Variants in DOCK3 observed in about 807,000 individuals in gnomAD.
DOCK3 encodes dedicator of cytokinesis protein 3.
Under a neutral mutation model 265.6 loss-of-function variants are expected in DOCK3, and 60 were observed. That is an observed-to-expected ratio of 0.23 (90% CI 0.18 to 0.28). The LOEUF is 0.28. DOCK3 is among the 10% of genes least tolerant of loss of function. The pLI is 1.00. For missense variants in DOCK3, 1,981 were observed against 2,594.3 expected (o/e 0.76, Z 5.14); for synonymous variants, 881 against 938.0 (o/e 0.94, Z 1.11).
intron 12 of DOCK3, among the ~76,000 whole-genome samples, chr3:51,199,509 C>A (rs1474715384): frequency 1.3e-5 from 2 of 152,250 alleles, no homozygotes; most frequent in Admixed American, 6.5e-5. Context: ...ATTGCCCAGG[C>A]TTGTGTAAGT....
chr3:51,372,206 G>C (rs1479846742), intron 49 of DOCK3, among the ~76,000 whole-genome samples: 2 of 152,228 alleles, frequency 1.3e-5, no homozygotes, highest in African/African-American at 4.8e-5. Context: ...TAATCCTTAA[G>C]TAATTCGTTG....
rs1358662350 is a variant in DOCK3 at position 51,383,062 on chromosome 3, C to G, written c.*1503C>G. On this transcript the variant is annotated 3_prime_UTR_variant, in exon 53 of 53. Transcript: ENST00000266037. The stretch of plus-strand genomic sequence containing the variant: ...TTGCCCCCAGTTCCTCTTCTGCTGG[C>G]CTGTATGACCTCCACAGCCAGGCCC... The G allele has an allele frequency of 6.6e-6, 1 of 152,228 alleles. No homozygotes were observed. The highest frequency in any genetic ancestry group is 1.5e-5 in the Non-Finnish European group (1 of 68,044). 9.4% of individuals were successfully genotyped at this position (152,228 alleles called of 1,614,324 possible). A position where few individuals can be genotyped will look rare whatever the true frequency, so the allele number is the denominator to read the frequency against.
intron 4 of DOCK3, among the ~76,000 whole-genome samples, chr3:50,906,733 GT>G (rs972294512): frequency 3.7e-4 from 56 of 151,928 alleles, no homozygotes; most frequent in Non-Finnish European, 7.5e-4. Context: ...TTTTTGAAGG[GT>G]TTTTTTGTAT....
chr3:51,360,140 G>A (rs1452742574), intron 46 of DOCK3, among the ~76,000 whole-genome samples: 1 of 152,138 alleles, frequency 6.6e-6, no homozygotes, highest in African/African-American at 2.4e-5. Flanking sequence ...CCCACCTATT[G>A]ACAACTAATA....
At chr3:51,319,417 A>G (rs2083554302) in intron 32 of DOCK3, among the ~76,000 whole-genome samples, 1 of 149,062 alleles carries the variant, frequency 6.7e-6, no homozygotes. Context: ...AAAAAAACCC[A>G]GTTACCAAGA....
chr3:51,056,535 AC>A (rs1301817041), intron 5 of DOCK3, among the ~76,000 whole-genome samples: 2 of 152,210 alleles, frequency 1.3e-5, no homozygotes, highest in Non-Finnish European at 2.9e-5. Context: ...GGCGTGAGCC[AC>A]TGTGCCTGGC....
intron 27 of DOCK3, among the ~76,000 whole-genome samples, chr3:51,308,963 A>C (rs1156497118): frequency 6.6e-6 from 1 of 151,654 alleles, no homozygotes; most frequent in Non-Finnish European, 1.5e-5. Context: ...GGCCGGGCAG[A>C]GGTGCTCCTC....
intron 1 of DOCK3, among the ~76,000 whole-genome samples, chr3:50,770,703 G>A (rs958516429): frequency 7.2e-5 from 11 of 152,206 alleles, no homozygotes; most frequent in African/African-American, 2.6e-4. Context: ...GCTACATATA[G>A]ACGCATAGAC....
intron 4 of DOCK3, among the ~76,000 whole-genome samples, chr3:50,902,559 A>T (rs1402327984): frequency 6.6e-6 from 1 of 152,172 alleles, no homozygotes; most frequent in Non-Finnish European, 1.5e-5. Context: ...TTGTACCAGT[A>T]CCATGCTGTT....
intron 7 of DOCK3, among the ~76,000 whole-genome samples, chr3:51,083,139 T>C (rs1173760438): frequency 6.6e-6 from 1 of 152,166 alleles, no homozygotes; most frequent in Non-Finnish European, 1.5e-5. Flanking sequence ...CACCACAGCA[T>C]CTACTAACAA....
intron 4 of DOCK3, among the ~76,000 whole-genome samples, chr3:50,921,302 C>T (rs766830950): frequency 7.2e-5 from 11 of 152,098 alleles, no homozygotes; most frequent in Non-Finnish European, 1.3e-4. Context: ...TTCAGTTGAT[C>T]TTCAGTCACT....
intron 22 of DOCK3, among the ~76,000 whole-genome samples, chr3:51,248,561 C>A (rs1169163358): frequency 2.0e-5 from 3 of 151,562 alleles, no homozygotes; most frequent in Non-Finnish European, 2.9e-5. Context: ...ACCTCCCAGC[C>A]GCCTGCCTTG....
At chr3:51,320,147 C>T (rs1005228769) in intron 32 of DOCK3, among the ~76,000 whole-genome samples, 2 of 152,190 alleles carry the variant, frequency 1.3e-5, no homozygotes, top group Non-Finnish European at 2.9e-5. Flanking sequence ...ACTGGTTGAA[C>T]AGTGGGTGCA....
chr3:50,946,639 T>C (rs1043501783), intron 5 of DOCK3, among the ~76,000 whole-genome samples: 1 of 152,066 alleles, frequency 6.6e-6, no homozygotes, highest in Non-Finnish European at 1.5e-5. Context: ...CTAGGGGAGG[T>C]TGTATGATAC....
intron 25 of DOCK3, chr3:51,276,599 C>T (rs1485215875): frequency 4.5e-6 from 1 of 223,296 alleles, no homozygotes; most frequent in Non-Finnish European, 7.5e-6. Flanking sequence ...TGCTCAAATT[C>T]TTCATGTGGA....
chr3:51,017,318 C>T (rs1225217550), intron 5 of DOCK3, among the ~76,000 whole-genome samples: 1 of 151,142 alleles, frequency 6.6e-6, no homozygotes, highest in Non-Finnish European at 1.5e-5. Context: ...TTCAAAAAGT[C>T]AGCTTTTTGT....
At chr3:50,849,284 C>T (rs9815762) in intron 3 of DOCK3, among the ~76,000 whole-genome samples, 1 of 151,944 alleles carries the variant, frequency 6.6e-6, no homozygotes. Context: ...ATCTTCCTTC[C>T]TCAGCCTCCC....
chr3:50,842,950 T>TC (rs1232388037), intron 3 of DOCK3, among the ~76,000 whole-genome samples: 1 of 152,190 alleles, frequency 6.6e-6, no homozygotes, highest in Admixed American at 6.5e-5. Flanking sequence ...CTTGGCCACC[T>TC]CCCACTATCT....
chr3:51,143,559 C>A (rs1285711758), intron 9 of DOCK3, among the ~76,000 whole-genome samples: 3 of 152,140 alleles, frequency 2.0e-5, no homozygotes, highest in Admixed American at 6.5e-5. Flanking sequence ...TGTGAGCCAC[C>A]ACACCCAGCC....
Sources: gnomAD v4.1 joint callset for allele counts (sites outside exome capture counted in the v4.1 genomes callset) on GRCh38, gnomAD v4.1.1 for gene constraint, MANE v1.5 for transcripts, NCBI Gene and HGNC (gene_info 2026-07-23, HGNC 2026-07-21) for gene names.